AFG2A: variants seen among roughly 807,000 people sequenced by gnomAD.
The protein encoded by AFG2A is ATPase family gene 2 protein homolog A.
At chr4:123,060,511 G>A in the AFG2A span, among the ~76,000 whole-genome samples, 58 of 152,278 alleles carry the variant, frequency 3.8e-4, 1 homozygote, top group African/African-American at 7.2e-4. Flanking sequence ...CCAAGGCTTG[G>A]GGCTTGCACC....
At chr4:123,285,961 C>T in the AFG2A span, among the ~76,000 whole-genome samples, 5 of 152,092 alleles carry the variant, frequency 3.3e-5, no homozygotes, top group Non-Finnish European at 5.9e-5. Context: ...TTATCACCAT[C>T]GTCAATATAA....
the AFG2A span, among the ~76,000 whole-genome samples, chr4:123,065,443 C>T: frequency 0.012 from 1,874 of 152,052 alleles, 42 homozygotes; most frequent in African/African-American, 0.042. Flanking sequence ...ACATTTATAG[C>T]GCTTAACATA....
chr4:123,230,540 G>T, the AFG2A span, among the ~76,000 whole-genome samples: 1 of 151,824 alleles, frequency 6.6e-6, no homozygotes, highest in Non-Finnish European at 1.5e-5. Flanking sequence ...ATTCCTGAGG[G>T]TTGGAATCAA....
the AFG2A span, among the ~76,000 whole-genome samples, chr4:122,939,071 C>CTCTCTTTTTTTT: frequency 5.2e-5 from 4 of 76,210 alleles, 2 homozygotes; most frequent in Non-Finnish European, 4.9e-5. Flanking sequence ...GGGATATGTT[C>CTCTCTTTTTTTT]TTTCTTTTTT....
At chr4:123,314,778 CA>C in the AFG2A span, 1 of 136,578 alleles carries the variant, frequency 7.3e-6, no homozygotes, top group Non-Finnish European at 1.5e-5. Context: ...TTTTTTGAGA[CA>C]GAGTCTCACT....
chr4:123,211,659 T>G, the AFG2A span, among the ~76,000 whole-genome samples: 7,938 of 152,200 alleles, frequency 0.052, 699 homozygotes, highest in African/African-American at 0.18. Context: ...TCATGTAAAT[T>G]TTTTCACCTA....
the AFG2A span, among the ~76,000 whole-genome samples, chr4:123,301,872 C>T: frequency 6.6e-6 from 1 of 152,122 alleles, no homozygotes; most frequent in Admixed American, 6.5e-5. Context: ...GTGAAAGACA[C>T]GCATTACAGA....
chr4:123,196,721 G>A, the AFG2A span, among the ~76,000 whole-genome samples: 3 of 152,048 alleles, frequency 2.0e-5, no homozygotes, highest in African/African-American at 7.2e-5. Context: ...AACTTTTAAG[G>A]CTTCCCAAGT....
chr4:123,173,444 C>G, the AFG2A span, among the ~76,000 whole-genome samples: 7 of 146,532 alleles, frequency 4.8e-5, no homozygotes, highest in African/African-American at 1.8e-4. Context: ...CAACCTCTGC[C>G]TCCCAGGTTC....
the AFG2A span, among the ~76,000 whole-genome samples, chr4:123,095,065 A>ATATATATG: frequency 1.9e-4 from 23 of 120,620 alleles, no homozygotes; most frequent in African/African-American, 6.2e-4. Context: ...ATATATATAT[A>ATATATATG]TGTGTGTGTG....
At chr4:122,944,485 A>G in the AFG2A span, among the ~76,000 whole-genome samples, 1 of 152,142 alleles carries the variant, frequency 6.6e-6, no homozygotes, top group East Asian at 1.9e-4. Flanking sequence ...TTTCAGCTCC[A>G]TCAGCTCCTT....
At chr4:123,050,739 C>CTTTTTTTTTTT in the AFG2A span, among the ~76,000 whole-genome samples, 2 of 140,308 alleles carry the variant, frequency 1.4e-5, no homozygotes, top group African/African-American at 5.3e-5. Context: ...ATAGTTGTGT[C>CTTTTTTTTTTT]TTTTTTTTTT....
chr4:123,290,441 A>G, the AFG2A span, among the ~76,000 whole-genome samples: 1 of 152,174 alleles, frequency 6.6e-6, no homozygotes, highest in Non-Finnish European at 1.5e-5. Flanking sequence ...AGCACCATTT[A>G]TTGAAAAAGG....
the AFG2A span, among the ~76,000 whole-genome samples, chr4:123,098,277 C>T: frequency 6.6e-6 from 1 of 151,906 alleles, no homozygotes; most frequent in African/African-American, 2.4e-5. Flanking sequence ...TTATAGAGTA[C>T]AACATGTTGT....
the AFG2A span, among the ~76,000 whole-genome samples, chr4:123,037,709 A>G: frequency 6.6e-6 from 1 of 152,114 alleles, no homozygotes; most frequent in Non-Finnish European, 1.5e-5. Context: ...TCTGCTCACC[A>G]GAAATACATT....
the AFG2A span, among the ~76,000 whole-genome samples, chr4:123,002,180 T>C: frequency 6.6e-6 from 1 of 152,108 alleles, no homozygotes; most frequent in Admixed American, 6.5e-5. Context: ...CATCCTTTTA[T>C]TTTGAGCCTG....
At chr4:123,004,290 G>A in the AFG2A span, among the ~76,000 whole-genome samples, 1 of 152,178 alleles carries the variant, frequency 6.6e-6, no homozygotes, top group Non-Finnish European at 1.5e-5. Context: ...GCCTGCTTCG[G>A]CCGGCACACG....
chr4:123,301,651 C>T, the AFG2A span, among the ~76,000 whole-genome samples: 2 of 152,150 alleles, frequency 1.3e-5, no homozygotes, highest in South Asian at 2.1e-4. Context: ...ATGTTATGTG[C>T]TAATGGTATA....
the AFG2A span, among the ~76,000 whole-genome samples, chr4:123,174,507 C>T: frequency 6.6e-6 from 1 of 151,984 alleles, no homozygotes; most frequent in Admixed American, 6.6e-5. Context: ...TGAAATGTAT[C>T]AGGAAGAGGG....
Sources: gnomAD v4.1 joint callset for allele counts (sites outside exome capture counted in the v4.1 genomes callset) on GRCh38, gnomAD v4.1.1 for gene constraint, MANE v1.5 for transcripts, NCBI Gene and HGNC (gene_info 2026-07-23, HGNC 2026-07-21) for gene names.